Variants in PPP2R2D observed in about 807,000 individuals in gnomAD.
The protein encoded by PPP2R2D is serine/threonine-protein phosphatase 2A 55 kDa regulatory subunit B delta isoform.
Under a neutral mutation model 31.1 loss-of-function variants are expected in PPP2R2D, and 9 were observed. That is an observed-to-expected ratio of 0.29 (90% CI 0.17 to 0.51). The LOEUF (loss-of-function observed/expected upper bound fraction) is 0.51, where lower values mean the gene tolerates loss of function less well. Among genes scored for constraint, PPP2R2D ranks in the 20% least tolerant of loss-of-function variants. The probability of loss-of-function intolerance (pLI) is 0.98; values close to 1 mark genes in which losing one functional copy is unlikely to be tolerated. For synonymous variants in PPP2R2D, 179 were observed against 172.6 expected, an observed-to-expected ratio of 1.04 and a Z score of -0.29; for missense variants, 391 against 465.6, an observed-to-expected ratio of 0.84 and a Z score of 1.48.
At chr10:131,971,200 T>G in the PPP2R2D span, 1 of 547,152 alleles carries the variant, frequency 1.8e-6, no homozygotes, top group South Asian at 2.0e-5. Context: ...AGATCACCTC[T>G]GGGGGAGCCC....
In PPP2R2D at chr10:131,947,788, A is replaced by T; in HGVS notation, c.1079A>T (p.Asp360Val). ...TTTGAGTGTTGCTGGAACGGTTCGG[A>T]TAGGTAAGGCCTGCGTGGAGATGAG... is the stretch of plus-strand genomic sequence containing the variant. Reference protein sequence around the residue: ...DKFECCWNGSDSAIMTGSYNN... With the variant: ...DKFECCWNGSVSAIMTGSYNN... Residue 360 changes from aspartate (D) to valine (V), a missense_variant, in exon 8 of 9, where the codon GAT (aspartate) becomes GTT (valine). Physicochemically the swap from Asp to Val is radical, Grantham distance 152. Transcript: ENST00000455566. This position sits in a 1 kb window ranked among gnomAD's most constrained non-coding sequence, Gnocchi z 4.3. The T allele has an allele frequency of 6.2e-7, 1 of 1,613,400 alleles. No individual in the cohort carries two copies. The highest frequency in any genetic ancestry group is 1.1e-5 in the South Asian group (1 of 91,072).
rs782714463 is a variant in PPP2R2D, at chr10:131,940,054, G to A, written c.222G>A (p.Arg74=). The change falls in exon 4 of 9, where the codon AGG becomes AGA. Residue 74 remains arginine (R), a synonymous_variant. Coordinates refer to ENST00000455566, the MANE Select transcript of PPP2R2D (RefSeq NM_018461.5). ...AGAATAAAAGCCGCCCTCATTCTAG[G>A]GGAGAATATAATGTTTACAGCACCT... ...EQENKSRPHS[R]GEYNVYSTFQ... is the part of the protein sequence containing the mutation. 1.3e-6 allele frequency: 1 copy of A among 766,306 alleles called. No individual in the cohort carries two copies. The highest frequency in any genetic ancestry group is 1.4e-5 in the South Asian group (1 of 71,992). 47.5% of individuals were successfully genotyped at this position (766,306 alleles called of 1,614,324 possible). A position where few individuals can be genotyped will look rare whatever the true frequency, so the allele number is the denominator to read the frequency against.
At chr10:131,940,980 ACCCTTCTCTCAGAAGGTTCAGAACAG>A in intron 5 of PPP2R2D, 1 of 294,374 alleles carries the variant, frequency 3.4e-6, no homozygotes, top group Non-Finnish European at 6.3e-6. Context: ...CATAGCAACC[ACCCTTCTCTCAGAAGGTTCAGAACAG>A]CACCTGGGAG....
chr10:131,945,374 C>T lies in PPP2R2D; in HGVS notation c.735C>T (p.Cys245=). ...CAGCCGAGTTCCACCCGCACCAGTG[C>T]AACGTGTTCGTCTACAGCAGTAGCA... is the stretch of plus-strand genomic sequence containing the variant. ...ITAAEFHPHQ[C]NVFVYSSSKG... The change falls in exon 7 of 9, where the codon TGC becomes TGT. Residue 245 remains cysteine, a synonymous_variant. Coordinates refer to ENST00000455566, the MANE Select transcript of PPP2R2D (RefSeq NM_018461.5). The surrounding 1 kb of genome is among the most constrained non-coding windows in gnomAD (Gnocchi z 4.8). 6.2e-7 allele frequency: 1 copy of T among 1,614,236 alleles called. No homozygotes were observed. Among genetic ancestry groups the T allele is most frequent in the Non-Finnish European group, 8.5e-7 (1 of 1,180,040 alleles).
intron 5 of PPP2R2D, 150 bp from the exon 6 acceptor site, chr10:131,943,818 C>G: frequency 1.7e-6 from 1 of 590,706 alleles, no homozygotes; most frequent in Non-Finnish European, 3.0e-6. Context: ...TTTCATAACT[C>G]TGCTAATTGG....
intron 8 of PPP2R2D, among the ~76,000 whole-genome samples, chr10:131,950,737 C>T (rs2036621928): frequency 6.6e-6 from 1 of 152,146 alleles, no homozygotes; most frequent in Non-Finnish European, 1.5e-5. Context: ...GCTCTGCCAC[C>T]TGGACGGCCT....
At chr10:131,946,697 A>G (rs1045376533) in intron 7 of PPP2R2D, among the ~76,000 whole-genome samples, 4 of 152,204 alleles carry the variant, frequency 2.6e-5, no homozygotes, top group African/African-American at 7.2e-5. Flanking sequence ...GCTGGCTTCA[A>G]GTTAATTTCA....
intron 2 of PPP2R2D, among the ~76,000 whole-genome samples, chr10:131,918,193 T>C (rs2119794301): frequency 7.3e-6 from 1 of 137,706 alleles, no homozygotes; most frequent in South Asian, 2.5e-4. Flanking sequence ...TGGCACAGCG[T>C]TTGTAGGGAC....
At chr10:131,948,639 C>T (rs111630828) in intron 8 of PPP2R2D, among the ~76,000 whole-genome samples, 12 of 152,182 alleles carry the variant, frequency 7.9e-5, no homozygotes, top group Admixed American at 3.3e-4. Context: ...GCGTCTATTC[C>T]GAGAGCAGCC....
At chr10:131,914,781 C>T (rs1554892851) in intron 2 of PPP2R2D, among the ~76,000 whole-genome samples, 2 of 152,080 alleles carry the variant, frequency 1.3e-5, no homozygotes, top group African/African-American at 2.4e-5. Context: ...GGGGTGACAT[C>T]GGGGGTGCCT....
the PPP2R2D span, chr10:131,971,036 C>T: frequency 7.0e-7 from 1 of 1,428,724 alleles, no homozygotes; most frequent in African/African-American, 1.4e-5. Flanking sequence ...GCACCCAGCT[C>T]CCACCCGAGC....
chr10:131,955,636 C>T, intron 8 of PPP2R2D, 48 bp from the exon 9 acceptor site: 2 of 1,355,106 alleles, frequency 1.5e-6, no homozygotes, highest in East Asian at 2.7e-5. Flanking sequence ...GTCCTTGCTG[C>T]CGCTCCCCCC....
At chr10:131,903,330 G>A (rs2035531534) in intron 2 of PPP2R2D, among the ~76,000 whole-genome samples, 1 of 152,030 alleles carries the variant, frequency 6.6e-6, no homozygotes, top group South Asian at 2.1e-4. Context: ...AGCCGGGCGT[G>A]GTGGCACATG....
chr10:131,935,087 G>C (rs1421406381), intron 3 of PPP2R2D: 1 of 409,276 alleles, frequency 2.4e-6, no homozygotes, highest in African/African-American at 2.0e-5. Context: ...TGTGGGCCTT[G>C]GAGGAGCCCA....
chr10:131,922,341 A>T (rs1554894354), intron 2 of PPP2R2D, among the ~76,000 whole-genome samples: 3 of 152,206 alleles, frequency 2.0e-5, no homozygotes, highest in Admixed American at 6.5e-5. Context: ...TCCTCATCAC[A>T]AAAAGGAGTT....
intron 3 of PPP2R2D, chr10:131,934,923 G>T (rs1554896248): frequency 2.2e-6 from 1 of 457,626 alleles, no homozygotes; most frequent in South Asian, 1.5e-5. Context: ...GTCCTGCCCT[G>T]CCATGAAGTG....
In PPP2R2D at chr10:131,917,746, C is replaced by T. The variant is rs540037943; in HGVS notation, c.100+16416C>T. Among the ~76,000 whole-genome samples the T allele has an allele frequency of 2.3e-4, 26 of 115,552 alleles. No individual in the cohort carries two copies. The South Asian group carries it at 9.0e-3, about 40-fold the overall frequency. 75.8% of individuals were successfully genotyped at this position (115,552 alleles called of 152,430 possible). ...GGGACCTCACGTGGGTGGAATGACACAGTATAGGGACCTCAGGCGGGTGGA... is the reference window on the plus strand; with the variant it reads ...GGGACCTCACGTGGGTGGAATGACATAGTATAGGGACCTCAGGCGGGTGGA... On this transcript the variant is annotated intron_variant, in intron 2 of 8. Transcript: ENST00000455566.
rs782363140 is a variant in PPP2R2D, at chr10:131,940,238, A to G, written c.364+42A>G. ...AAGTGGCTGTTTGATTTAGTTTTTT[A>G]TTTTTAATTTTCTGTGTGTGTGTAG... On this transcript the variant is annotated intron_variant, in intron 4 of 8. Coordinates refer to ENST00000455566, the MANE Select transcript of PPP2R2D (RefSeq NM_018461.5). 3 of 606,288 alleles carry G rather than the reference A, an allele frequency of 4.9e-6. No homozygotes were observed. The Admixed American group carries it at 8.5e-5, about 17-fold the overall frequency. 37.6% of individuals were successfully genotyped at this position (606,288 alleles called of 1,614,324 possible).
At chr10:131,941,463 C>T (rs72861364) in intron 5 of PPP2R2D, among the ~76,000 whole-genome samples, 13,408 of 152,068 alleles carry the variant, frequency 0.088, 654 homozygotes, top group Non-Finnish European at 0.11. Flanking sequence ...AGGTGTGTCC[C>T]CTGGAAGGAA....
Sources: allele counts gnomAD v4.1 joint callset (sites outside exome capture counted in the v4.1 genomes callset), GRCh38; gene constraint gnomAD v4.1.1; non-coding constraint Gnocchi (gnomAD v3.1); transcripts MANE v1.5; gene names NCBI Gene and HGNC (gene_info 2026-07-23, HGNC 2026-07-21).